The following CCDC85A variants were observed in gnomAD, a reference collection of about 807,000 sequenced individuals.
CCDC85A encodes coiled-coil domain-containing protein 85A.
CCDC85A carries 38 observed loss-of-function variants against 50.2 expected under a neutral mutation model. That is an observed-to-expected ratio of 0.76 (90% CI 0.58 to 0.99). The LOEUF is 0.99. Ranked by LOEUF, CCDC85A falls within the 50% of genes least tolerant of loss-of-function variation. The probability of loss-of-function intolerance (pLI) is 0.00; values close to 1 mark genes in which losing one functional copy is unlikely to be tolerated. For synonymous variants in CCDC85A, 366 were observed against 301.4 expected (o/e 1.21, Z -2.22); for missense variants, 820 against 742.0 (o/e 1.11, Z -1.22).
rs72917053 is a variant in CCDC85A at position 56,200,787 on chromosome 2, A to T, written c.1240+7347A>T. ...GGCTGTTCATTTACCATTTTTACAT[A>T]GTAAAATTTATGTGTATTATGGAAT... On this transcript the variant is annotated intron_variant, in intron 2 of 5. Transcript: ENST00000407595. Among the ~76,000 whole-genome samples, 251 of 152,204 alleles carry T rather than the reference A, an allele frequency of 1.6e-3. 1 individual carries two copies. The highest frequency in any genetic ancestry group is 5.8e-3 in the African/African-American group (240 of 41,576).
At chr2:56,360,991 C>T (rs1028211326) in intron 3 of CCDC85A, among the ~76,000 whole-genome samples, 2 of 152,134 alleles carry the variant, frequency 1.3e-5, no homozygotes, top group East Asian at 1.9e-4. Context: ...TGGTGGCTCA[C>T]GCCTGTAATC....
chr2:56,283,963 T>G (rs1671316034), intron 2 of CCDC85A, among the ~76,000 whole-genome samples: 1 of 152,110 alleles, frequency 6.6e-6, no homozygotes, highest in African/African-American at 2.4e-5. Flanking sequence ...AAAGGAAACT[T>G]AAATCACTGA....
At chr2:56,201,809 T>G (rs1038005134) in intron 2 of CCDC85A, among the ~76,000 whole-genome samples, 1 of 152,130 alleles carries the variant, frequency 6.6e-6, no homozygotes, top group Non-Finnish European at 1.5e-5. Flanking sequence ...ATAGCTGTAT[T>G]TAGTTTAGAA....
intron 2 of CCDC85A, among the ~76,000 whole-genome samples, chr2:56,224,313 G>T (rs1668452844): frequency 6.6e-6 from 1 of 152,032 alleles, no homozygotes; most frequent in Non-Finnish European, 1.5e-5. Context: ...CTTTTCACTG[G>T]GGACTAATAT....
intron 2 of CCDC85A, among the ~76,000 whole-genome samples, chr2:56,231,630 A>G (rs372071888): frequency 4.9e-4 from 75 of 152,250 alleles, no homozygotes; most frequent in African/African-American, 1.7e-3. Flanking sequence ...CTGTAGACCA[A>G]GGTTTTTTAA....
chr2:56,268,589 C>T (rs1357722639), intron 2 of CCDC85A, among the ~76,000 whole-genome samples: 10 of 108,800 alleles, frequency 9.2e-5, no homozygotes, highest in East Asian at 2.8e-4. Flanking sequence ...AGCAAGATTC[C>T]GTCTCAAAAA....
intron 2 of CCDC85A, among the ~76,000 whole-genome samples, chr2:56,233,403 G>A (rs1353767076): frequency 6.6e-6 from 1 of 152,152 alleles, no homozygotes; most frequent in Non-Finnish European, 1.5e-5. Flanking sequence ...AAACATTTGT[G>A]TTGAAGAATC....
intron 2 of CCDC85A, chr2:56,235,103 A>C (rs1668946829): frequency 6.6e-6 from 1 of 152,204 alleles, no homozygotes; most frequent in Non-Finnish European, 1.5e-5. Flanking sequence ...AATTACATGA[A>C]ATGCCTTCTT....
Position 56,192,842 on chromosome 2 carries a change from C to T in CCDC85A, c.642C>T (p.Ser214=). Residue 214 remains serine, a synonymous_variant, in exon 2 of 6, where the codon TCC becomes TCT. Transcript: ENST00000407595. This position sits in a 1 kb window ranked among gnomAD's most constrained non-coding sequence, Gnocchi z 4.7. ...VRDVGDGSST[S]STGSTDSPDH... ...ATGTGGGTGACGGCAGCAGCACCTCCAGCACTGGCAGCACTGACAGCCCGG... is the reference window on the plus strand; with the variant it reads ...ATGTGGGTGACGGCAGCAGCACCTCTAGCACTGGCAGCACTGACAGCCCGG... 3 of 1,613,294 alleles carry T rather than the reference C, an allele frequency of 1.9e-6. No individual in the cohort carries two copies. The highest frequency in any genetic ancestry group is 1.1e-5 in the South Asian group (1 of 91,038).
chr2:56,220,634 T>A (rs543872617), intron 2 of CCDC85A, among the ~76,000 whole-genome samples: 3 of 152,028 alleles, frequency 2.0e-5, no homozygotes, highest in Non-Finnish European at 4.4e-5. Flanking sequence ...AAGGAAGCTT[T>A]GTACTTCATT....
At chr2:56,269,852 C>A (rs917744588) in intron 2 of CCDC85A, among the ~76,000 whole-genome samples, 23 of 152,060 alleles carry the variant, frequency 1.5e-4, no homozygotes, top group Admixed American at 1.0e-3. Flanking sequence ...TGATCCATTT[C>A]GAAAAATAGC....
intron 2 of CCDC85A, among the ~76,000 whole-genome samples, chr2:56,262,543 G>A (rs1234200520): frequency 6.6e-6 from 1 of 152,122 alleles, no homozygotes; most frequent in Non-Finnish European, 1.5e-5. Flanking sequence ...GTAATCAAGA[G>A]GTGTCTTCAC....
At chr2:56,214,294 A>G (rs1677305829) in intron 2 of CCDC85A, among the ~76,000 whole-genome samples, 1 of 151,958 alleles carries the variant, frequency 6.6e-6, no homozygotes, top group South Asian at 2.1e-4. Flanking sequence ...TTAAGTGAGT[A>G]TGAAGAGAGT....
At chr2:56,341,167 T>C (rs73940673) in intron 2 of CCDC85A, among the ~76,000 whole-genome samples, 4,592 of 152,244 alleles carry the variant, frequency 0.03, 226 homozygotes, top group African/African-American at 0.1. Flanking sequence ...ATTCTTCCCT[T>C]AGCCGTCTCG....
intron 2 of CCDC85A, among the ~76,000 whole-genome samples, chr2:56,199,826 A>G (rs1251089962): frequency 2.0e-5 from 3 of 152,178 alleles, no homozygotes; most frequent in Admixed American, 2.0e-4. Flanking sequence ...TGCATAGTCC[A>G]TATGCCATAA....
At chr2:56,264,960 C>G (rs901150957) in intron 2 of CCDC85A, among the ~76,000 whole-genome samples, 1 of 152,208 alleles carries the variant, frequency 6.6e-6, no homozygotes, top group Non-Finnish European at 1.5e-5. Context: ...AAATGTCACA[C>G]TTTTAAGGAG....
At chr2:56,348,481 A>G (rs983908170) in intron 3 of CCDC85A, among the ~76,000 whole-genome samples, 1 of 152,210 alleles carries the variant, frequency 6.6e-6, no homozygotes, top group Non-Finnish European at 1.5e-5. Context: ...GTCTAATTTT[A>G]GAAATGGAAA....
At chr2:56,320,328 C>A (rs3971873) in intron 2 of CCDC85A, among the ~76,000 whole-genome samples, 12,492 of 149,976 alleles carry the variant, frequency 0.083, 556 homozygotes, top group Non-Finnish European at 0.094. Context: ...AAAAACCCTT[C>A]AAAAAAATCA....
chr2:56,319,424 G>T (rs1371102610), intron 2 of CCDC85A, among the ~76,000 whole-genome samples: 1 of 151,990 alleles, frequency 6.6e-6, no homozygotes, highest in Non-Finnish European at 1.5e-5. Context: ...AGCATAAAGG[G>T]AATATTGGCA....
Sources: allele counts gnomAD v4.1 joint callset (sites outside exome capture counted in the v4.1 genomes callset), GRCh38; gene constraint gnomAD v4.1.1; non-coding constraint Gnocchi (gnomAD v3.1); transcripts MANE v1.5; gene names NCBI Gene and HGNC (gene_info 2026-07-23, HGNC 2026-07-21).